Variants in CDH9 observed in about 807,000 individuals in gnomAD.
The protein encoded by CDH9 is cadherin-9.
CDH9 carries 28 observed loss-of-function variants against 70.9 expected under a neutral mutation model. The ratio of observed to expected loss-of-function variants is 0.40; its 90% CI spans 0.29 to 0.54. The LOEUF (loss-of-function observed/expected upper bound fraction) is 0.54. Ranked by LOEUF, CDH9 falls within the 20% of genes least tolerant of loss-of-function variation. The pLI is 0.59. For missense variants in CDH9, 874 were observed against 984.4 expected (o/e 0.89, Z 1.50); for synonymous variants, 409 against 343.1 (o/e 1.19, Z -2.12).
At chr5:26,921,378 C>A (rs1442094607) in intron 2 of CDH9, among the ~76,000 whole-genome samples, 1 of 152,118 alleles carries the variant, frequency 6.6e-6, no homozygotes, top group Non-Finnish European at 1.5e-5. Context: ...CACTACTCAA[C>A]CTTCCTGGGG....
Position 26,940,583 on chromosome 5 carries a change from CT to C in CDH9, c.229-24660del, listed in dbSNP as rs927116069. Among the ~76,000 whole-genome samples the C allele has an allele frequency of 3.2e-3, 492 of 152,140 alleles. 2 individuals carry two copies. Among genetic ancestry groups the C allele is most frequent in the African/African-American group, 0.011 (465 of 41,428 alleles). ...GGACCTGGCCCAAGCCCAAATGCCT[CT>C]TTTACTAAGGAAATATCCAATAACA... On this transcript the variant is annotated intron_variant, in intron 2 of 11. Coordinates refer to ENST00000231021, the MANE Select transcript of CDH9 (RefSeq NM_016279.4).
Position 27,011,251 on chromosome 5 carries a change from C to T in CDH9, c.-49-22869G>A, listed in dbSNP as rs139174198. Among the ~76,000 whole-genome samples, 1,492 of 152,060 alleles carry T rather than the reference C, an allele frequency of 9.8e-3. 89 individuals are homozygous for T. The highest frequency in any genetic ancestry group is 0.088 in the Admixed American group (1,337 of 15,218). On this transcript the variant is annotated intron_variant, in intron 1 of 11. Coordinates refer to ENST00000231021, the MANE Select transcript of CDH9 (RefSeq NM_016279.4). ...TCTCACCAAAAGATATATTTAAGTCCCAACCCCTGGAACCTAGGAATCTGA... is the reference window on the plus strand; with the variant it reads ...TCTCACCAAAAGATATATTTAAGTCTCAACCCCTGGAACCTAGGAATCTGA...
chr5:26,965,545 C>T (rs1380373721), intron 2 of CDH9, among the ~76,000 whole-genome samples: 1 of 150,822 alleles, frequency 6.6e-6, no homozygotes, highest in Non-Finnish European at 1.5e-5. Flanking sequence ...CATTGGAATC[C>T]AGCGTGCATG....
chr5:26,962,931 A>G (rs746063940), intron 2 of CDH9, among the ~76,000 whole-genome samples: 7 of 152,158 alleles, frequency 4.6e-5, no homozygotes, highest in Non-Finnish European at 7.4e-5. Context: ...AAATTTTCTT[A>G]ATAAAAGGAA....
At chr5:26,921,614 C>G (rs1741244930) in intron 2 of CDH9, among the ~76,000 whole-genome samples, 3 of 152,158 alleles carry the variant, frequency 2.0e-5, no homozygotes, top group Admixed American at 2.0e-4. Context: ...ATGCAGAACT[C>G]TCGGGGCTGT....
chr5:26,888,898 TG>T (rs1196927260), intron 9 of CDH9, among the ~76,000 whole-genome samples: 1 of 152,160 alleles, frequency 6.6e-6, no homozygotes, highest in Non-Finnish European at 1.5e-5. Context: ...ATCTTTTCTT[TG>T]TATGCTAATT....
At chr5:27,027,258 G>A (rs1743235748) in intron 1 of CDH9, among the ~76,000 whole-genome samples, 1 of 151,912 alleles carries the variant, frequency 6.6e-6, no homozygotes, top group South Asian at 2.1e-4. Flanking sequence ...AAAATATTAA[G>A]TATTTCCATT....
intron 7 of CDH9, among the ~76,000 whole-genome samples, chr5:26,901,426 A>G (rs1278649267): frequency 6.6e-6 from 1 of 151,934 alleles, no homozygotes; most frequent in African/African-American, 2.4e-5. Flanking sequence ...AAATTAAATC[A>G]TCATTAAAAT....
At chr5:26,995,906 C>A (rs1022095817) in intron 1 of CDH9, among the ~76,000 whole-genome samples, 1 of 151,976 alleles carries the variant, frequency 6.6e-6, no homozygotes, top group African/African-American at 2.4e-5. Flanking sequence ...ATCTTGTTAA[C>A]TTTAAAAACT....
At chr5:26,961,408 C>A (rs1742032897) in intron 2 of CDH9, among the ~76,000 whole-genome samples, 2 of 152,006 alleles carry the variant, frequency 1.3e-5, no homozygotes, top group East Asian at 1.9e-4. Flanking sequence ...CCCAATCACC[C>A]CTCAATGGTT....
intron 2 of CDH9, among the ~76,000 whole-genome samples, chr5:26,917,347 A>G (rs891533904): frequency 6.6e-6 from 1 of 152,054 alleles, no homozygotes; most frequent in Admixed American, 6.6e-5. Flanking sequence ...AATAATCTTC[A>G]GTGGTCTTTT....
chr5:26,993,102 CAAA>C (rs34636129), intron 1 of CDH9, among the ~76,000 whole-genome samples: 10 of 104,378 alleles, frequency 9.6e-5, no homozygotes, highest in Non-Finnish European at 1.1e-4. Context: ...ACTCCGTCTC[CAAA>C]AAAAAAAAAA....
chr5:26,991,116 C>A (rs1031070681), intron 1 of CDH9, among the ~76,000 whole-genome samples: 1 of 152,104 alleles, frequency 6.6e-6, no homozygotes, highest in Admixed American at 6.6e-5. Flanking sequence ...GGCAGGAAAG[C>A]GATTTGGTTA....
chr5:26,947,750 T>A (rs1741778391), intron 2 of CDH9, among the ~76,000 whole-genome samples: 1 of 152,026 alleles, frequency 6.6e-6, no homozygotes, highest in Non-Finnish European at 1.5e-5. Context: ...GCACACCACA[T>A]AGGCACATCT....
chr5:26,894,552 T>C (rs1192142667), intron 7 of CDH9, among the ~76,000 whole-genome samples: 1 of 152,080 alleles, frequency 6.6e-6, no homozygotes, highest in Non-Finnish European at 1.5e-5. Context: ...ATTCAAATTT[T>C]TGTTTCCAGT....
chr5:26,890,043 C>G lies in CDH9; in HGVS notation c.1391-86G>C. ...ACCCATTTGTAGCTTAGCAACAGAT[C>G]CTTTTTGTGGTGTTCACTTTCTCAA... On this transcript the variant is annotated intron_variant, in intron 8 of 11. Coordinates refer to ENST00000231021, the MANE Select transcript of CDH9 (RefSeq NM_016279.4). 4.7e-6 allele frequency: 6 copies of G among 1,263,906 alleles called. No individual in the cohort carries two copies. The South Asian group carries it at 7.8e-5, about 17-fold the overall frequency. The allele number at this position is 1,263,906 out of a possible 1,614,324, so 78.3% of individuals were successfully genotyped here. A position where few individuals can be genotyped will look rare whatever the true frequency, so the allele number is the denominator to read the frequency against.
At chr5:26,908,116 T>C (rs140157999) in intron 3 of CDH9, among the ~76,000 whole-genome samples, 1 of 152,180 alleles carries the variant, frequency 6.6e-6, no homozygotes, top group Non-Finnish European at 1.5e-5. Flanking sequence ...CAATGACAAC[T>C]TGAGCTCATT....
At chr5:26,954,388 C>T (rs78814814) in intron 2 of CDH9, among the ~76,000 whole-genome samples, 1,464 of 93,044 alleles carry the variant, frequency 0.016, 80 homozygotes, top group African/African-American at 0.062. Flanking sequence ...TACAGCCTTT[C>T]TTTTTTTTTT....
At chr5:27,018,526 A>AATCATGTAATCATGTAGAC (rs1743084384) in intron 1 of CDH9, among the ~76,000 whole-genome samples, 1 of 151,826 alleles carries the variant, frequency 6.6e-6, no homozygotes, top group Non-Finnish European at 1.5e-5. Flanking sequence ...GAGCCCTCTA[A>AATCATGTAATCATGTAGAC]ATCATGTAAT....
Sources: gnomAD v4.1 joint callset for allele counts (sites outside exome capture counted in the v4.1 genomes callset) on GRCh38, gnomAD v4.1.1 for gene constraint, MANE v1.5 for transcripts, NCBI Gene and HGNC (gene_info 2026-07-23, HGNC 2026-07-21) for gene names.